RFWD3: variants seen among roughly 807,000 people sequenced by gnomAD.
The protein encoded by RFWD3 is ring finger and WD repeat domain 3.
In RFWD3, 65 loss-of-function variants were observed where a neutral mutation model predicts 87.7. The ratio of observed to expected loss-of-function variants is 0.74; its 90% CI spans 0.61 to 0.91. RFWD3 has a LOEUF of 0.91. Ranked by LOEUF, RFWD3 falls within the 40% of genes least tolerant of loss-of-function variation. The pLI, the probability that RFWD3 is intolerant of heterozygous loss-of-function variation, is 0.00. For synonymous variants in RFWD3, 433 were observed against 352.8 expected, an observed-to-expected ratio of 1.23 and a Z score of -2.55; for missense variants, 1,078 against 938.5, an observed-to-expected ratio of 1.15 and a Z score of -1.94.
chr16:74,663,282 A>C lies in RFWD3; in HGVS notation c.-2-1831T>G, dbSNP rs573586360. ...AATGACAGAAGAGGGCTGAAGACTA[A>C]AGTCAGAGACACTACTGTTAAAAGT... On this transcript the variant is annotated intron_variant, in intron 1 of 12. Coordinates refer to ENST00000361070, the MANE Select transcript of RFWD3 (RefSeq NM_018124.4). Among the ~76,000 whole-genome samples the C allele has an allele frequency of 5.1e-4, 77 of 152,356 alleles. 2 individuals are homozygous for C. The South Asian group carries it at 0.015, about 30-fold the overall frequency.
rs558549871 is a variant in RFWD3 at position 74,625,478 on chromosome 16, C to T, written c.2181+865G>A. Among the ~76,000 whole-genome samples, 7 of 151,106 alleles carry T rather than the reference C, an allele frequency of 4.6e-5. No individual in the cohort carries two copies. The East Asian group carries it at 1.4e-3, about 30-fold the overall frequency. On this transcript the variant is annotated intron_variant, in intron 12 of 12. Transcript: ENST00000361070. ...GCAGTGAGCCGAGATTGCGCCTCTG[C>T]ACTCCAGCCTGGGTAACAGAGCGAG...
chr16:74,642,313 G>C (rs999519298), intron 6 of RFWD3, among the ~76,000 whole-genome samples: 4 of 151,886 alleles, frequency 2.6e-5, no homozygotes, highest in African/African-American at 9.7e-5. Flanking sequence ...TAGTAAAGAT[G>C]GGGTTTTGCC....
intron 4 of RFWD3, among the ~76,000 whole-genome samples, chr16:74,645,972 T>A (rs934942748): frequency 2.0e-5 from 3 of 151,464 alleles, no homozygotes; most frequent in Non-Finnish European, 2.9e-5. Context: ...ATGGTCTCGA[T>A]CTCCTGACCT....
rs560169198 is a variant in RFWD3 at position 74,664,671 on chromosome 16, C to T, written c.-3+2115G>A. Reference sequence around the variant, plus strand: ...GGCTGAGGCAGGAGAACCCCTTGAACCCGGAGAGTGGAGGTTACATTGAGC... The same window carrying T: ...GGCTGAGGCAGGAGAACCCCTTGAATCCGGAGAGTGGAGGTTACATTGAGC... On this transcript the variant is annotated intron_variant, in intron 1 of 12. Transcript: ENST00000361070. 2.6e-5 allele frequency: 4 copies of T among 152,126 alleles called. No homozygotes were observed. In the East Asian group the frequency reaches 7.7e-4, roughly 29 times the overall value. The allele number at this position is 152,126 out of a possible 1,614,324, so 9.4% of individuals were successfully genotyped here. A position where few individuals can be genotyped will look rare whatever the true frequency, so the allele number is the denominator to read the frequency against.
intron 1 of RFWD3, among the ~76,000 whole-genome samples, chr16:74,663,379 A>T (rs568835203): frequency 9.0e-4 from 137 of 152,300 alleles, no homozygotes; most frequent in Non-Finnish European, 1.6e-3. Context: ...GGTGTCTTGG[A>T]AAAACAATGT....
In RFWD3 at chr16:74,626,491, C is replaced by T. The variant is rs761907365; in HGVS notation, c.2033G>A (p.Gly678Glu). The change falls in exon 12 of 13, where the codon GGA (glycine) becomes GAA (glutamate). Residue 678 changes from glycine to glutamate, a missense_variant. Physicochemically the swap from Gly to Glu is moderately conservative, Grantham distance 98. Transcript: ENST00000361070. ...AGGCTGGCAGGAGCAGATTGGATTT[C>T]CAGTGTCATCCAGTCGGTAGGACAT... is the stretch of plus-strand genomic sequence containing the variant. ...MEMSYRLDDT[G>E]NPICSCQPVH... 1.2e-5 allele frequency: 20 copies of T among 1,613,992 alleles called. No individual in the cohort carries two copies. Among genetic ancestry groups the T allele is most frequent in the Non-Finnish European group, 1.7e-5 (20 of 1,180,028 alleles).
intron 4 of RFWD3, among the ~76,000 whole-genome samples, chr16:74,645,756 T>C (rs970758471): frequency 9.8e-5 from 14 of 142,276 alleles, no homozygotes; most frequent in Non-Finnish European, 1.4e-4. Flanking sequence ...TTTTTTTTTT[T>C]TTTTTTTTTT....
intron 7 of RFWD3, among the ~76,000 whole-genome samples, chr16:74,637,113 A>G (rs1434299964): frequency 1.5e-5 from 2 of 136,330 alleles, no homozygotes; most frequent in East Asian, 4.2e-4. Flanking sequence ...GGTTTCGTTT[A>G]AAGTCCTTTA....
chr16:74,649,494 C>T (rs569687996), intron 3 of RFWD3, among the ~76,000 whole-genome samples: 30 of 152,328 alleles, frequency 2.0e-4, no homozygotes, highest in African/African-American at 6.3e-4. Flanking sequence ...TCTTGTTCCA[C>T]CTAAGCCCCC....
At chr16:74,645,810 C>T (rs1257409683) in intron 4 of RFWD3, among the ~76,000 whole-genome samples, 3 of 128,828 alleles carry the variant, frequency 2.3e-5, no homozygotes, top group African/African-American at 9.0e-5. Flanking sequence ...TGGAGTGTAG[C>T]GGCAGAATCT....
chr16:74,635,474 A>G (rs1357728148), intron 8 of RFWD3, among the ~76,000 whole-genome samples: 1 of 150,814 alleles, frequency 6.6e-6, no homozygotes, highest in African/African-American at 2.4e-5. Context: ...CTCAAAAGAA[A>G]AAAAAAAAAT....
chr16:74,631,042 A>AT lies in RFWD3; in HGVS notation c.1578-86dup, dbSNP rs1959078170. ...TGTAAAGATTATCATTTAAATGATC[A>AT]TTAATCCTTACTGAGAACACACTCA... On this transcript the variant is annotated intron_variant, in intron 9 of 12. Coordinates refer to ENST00000361070, the MANE Select transcript of RFWD3 (RefSeq NM_018124.4). 169 of 1,257,166 alleles carry AT rather than the reference A, an allele frequency of 1.3e-4. 2 individuals carry two copies. The South Asian group carries it at 2.4e-3, about 18-fold the overall frequency. 77.9% of individuals were successfully genotyped at this position (1,257,166 alleles called of 1,614,324 possible). A position where few individuals can be genotyped will look rare whatever the true frequency, so the allele number is the denominator to read the frequency against.
chr16:74,650,007 T>C (rs946142303), intron 3 of RFWD3, among the ~76,000 whole-genome samples: 4 of 152,336 alleles, frequency 2.6e-5, no homozygotes, highest in Admixed American at 6.5e-5. Flanking sequence ...TTTATGCCCA[T>C]TTAGAGTCAA....
rs1958792962 is a variant in RFWD3 at position 74,622,222 on chromosome 16, T to C, written c.*1706A>G. ...TTTAATTCCAATCCTATTCTGCCAC[T>C]GAAACTAGGCCTGGGCAACCACTCT... On this transcript the variant is annotated 3_prime_UTR_variant, in exon 13 of 13. Transcript: ENST00000361070. 1 of 152,192 alleles carries C rather than the reference T, an allele frequency of 6.6e-6. No individual in the cohort carries two copies. The highest frequency in any genetic ancestry group is 1.5e-5 in the Non-Finnish European group (1 of 68,040). The allele number at this position is 152,192 out of a possible 1,614,324, so 9.4% of individuals were successfully genotyped here.
intron 7 of RFWD3, among the ~76,000 whole-genome samples, 196 bp from the exon 8 acceptor site, chr16:74,636,773 G>A (rs1397318108): frequency 3.3e-5 from 5 of 151,448 alleles, no homozygotes; most frequent in Admixed American, 1.3e-4. Flanking sequence ...GAGTGCAGTG[G>A]GACCATGTTG....
chr16:74,631,065 T>C, intron 9 of RFWD3, 108 bp from the exon 10 acceptor site: 2 of 972,886 alleles, frequency 2.1e-6, no homozygotes, highest in Admixed American at 3.1e-5. Context: ...GAGAACACAC[T>C]CATACTCCCA....
At chr16:74,636,144 C>A (rs569491368) in intron 8 of RFWD3, among the ~76,000 whole-genome samples, 1 of 152,134 alleles carries the variant, frequency 6.6e-6, no homozygotes, top group East Asian at 1.9e-4. Flanking sequence ...AGTATTTCTA[C>A]CCTCTTGGTT....
chr16:74,649,112 T>C lies in RFWD3; in HGVS notation c.792+20A>G. On this transcript the variant is annotated intron_variant, in intron 4 of 12. Transcript: ENST00000361070. ...AAATAAATAAATAAATAGATTTTTTTAAAATGATGTTCATATTACCTGTTT... is the reference window on the plus strand; with the variant it reads ...AAATAAATAAATAAATAGATTTTTTCAAAATGATGTTCATATTACCTGTTT... 1 of 1,515,534 alleles carries C rather than the reference T, an allele frequency of 6.6e-7. No homozygotes were observed. Among genetic ancestry groups the C allele is most frequent in the East Asian group, 2.4e-5 (1 of 41,462 alleles). 93.9% of individuals were successfully genotyped at this position (1,515,534 alleles called of 1,614,324 possible).
chr16:74,660,851 G>A (rs1228725784), intron 2 of RFWD3, 81 bp downstream of exon 2: 1 of 1,483,548 alleles, frequency 6.7e-7, no homozygotes, highest in Non-Finnish European at 9.1e-7. Context: ...AAGTCACACT[G>A]TCAGTCCTTG....
Sources: gnomAD v4.1 joint callset for allele counts (sites outside exome capture counted in the v4.1 genomes callset) on GRCh38, gnomAD v4.1.1 for gene constraint, MANE v1.5 for transcripts, NCBI Gene and HGNC (gene_info 2026-07-23, HGNC 2026-07-21) for gene names.